Variants in PDZD2 observed in about 807,000 individuals in gnomAD.
The protein encoded by PDZD2 is PDZ domain-containing protein 2.
Under a neutral mutation model 220.7 loss-of-function variants are expected in PDZD2, and 90 were observed. The observed-to-expected ratio is 0.41, with a 90% CI of 0.34 to 0.49. PDZD2 has a LOEUF of 0.49. Among genes scored for constraint, PDZD2 ranks in the 20% least tolerant of loss-of-function variants. The pLI, the probability that PDZD2 is intolerant of heterozygous loss-of-function variation, is 0.28. For synonymous variants in PDZD2, 1,375 were observed against 1,450.5 expected (o/e 0.95, Z 1.18); for missense variants, 3,174 against 3,608.5 (o/e 0.88, Z 3.08).
intron 2 of PDZD2, among the ~76,000 whole-genome samples, chr5:31,872,091 T>C (rs1218274140): frequency 6.6e-6 from 1 of 152,056 alleles, no homozygotes; most frequent in Non-Finnish European, 1.5e-5. Context: ...AGTCACTTCA[T>C]ATCAGGGCAT....
In PDZD2 at chr5:32,075,259, C is replaced by T. The variant is rs16889400; in HGVS notation, c.3537+616C>T. 8.0e-3 allele frequency among the ~76,000 whole-genome samples: 1,215 copies of T among 152,308 alleles called. 19 individuals are homozygous for T. Among genetic ancestry groups the T allele is most frequent in the African/African-American group, 0.028 (1,148 of 41,562 alleles). ...AGGGAAAGTAAAACCATGGGCCTGGCATGAGCTCCACTGCTGACTAGTTGG... is the reference window on the plus strand; with the variant it reads ...AGGGAAAGTAAAACCATGGGCCTGGTATGAGCTCCACTGCTGACTAGTTGG... On this transcript the variant is annotated intron_variant, in intron 18 of 24. Transcript: ENST00000438447.
At position 31,658,623 on chromosome 5, in the gene PDZD2, C is replaced by CTTTT. The variant is rs746305849; in HGVS notation, c.-361+19197_-361+19200dup. ...ATTTGGTCTATGTGGGCTGTTTTCA[C>CTTTT]TTTTTTTTTTTTTTGAGACGGAGTC... On this transcript the variant is annotated intron_variant, in intron 1 of 24. Transcript: ENST00000438447. Among the ~76,000 whole-genome samples the CTTTT allele has an allele frequency of 7.5e-5, 11 of 146,996 alleles. 1 individual carries two copies. The highest frequency in any genetic ancestry group is 2.2e-4 in the South Asian group (1 of 4,594).
rs200189049 is a variant in PDZD2 at position 31,723,365 on chromosome 5, AT to A, written c.-360-75522del. On this transcript the variant is annotated intron_variant, in intron 1 of 24. Coordinates refer to ENST00000438447, the MANE Select transcript of PDZD2 (RefSeq NM_178140.4). ...TTTTGTTTTTTTTTTCTGGAATGAGATTGGACATGTCAAGTCACTTTTGTCC... is the reference window on the plus strand; with the variant it reads ...TTTTGTTTTTTTTTTCTGGAATGAGATGGACATGTCAAGTCACTTTTGTCC... Among the ~76,000 whole-genome samples the A allele has an allele frequency of 2.1e-3, 323 of 151,864 alleles. 6 individuals are homozygous for A. In the East Asian group the frequency reaches 0.045, roughly 21 times the overall value.
intron 2 of PDZD2, among the ~76,000 whole-genome samples, chr5:31,939,330 G>GT (rs1381957353): frequency 2.0e-5 from 3 of 152,178 alleles, no homozygotes; most frequent in Non-Finnish European, 4.4e-5. Context: ...CCTGATTTGC[G>GT]TAACTGCTGA....
At chr5:31,756,276 G>T (rs1751303072) in intron 1 of PDZD2, among the ~76,000 whole-genome samples, 1 of 152,200 alleles carries the variant, frequency 6.6e-6, no homozygotes. Context: ...GAAAACGTCA[G>T]ACTTTTCCTA....
intron 2 of PDZD2, chr5:31,822,488 T>G: frequency 2.1e-6 from 1 of 472,716 alleles, no homozygotes; most frequent in Non-Finnish European, 3.9e-6. Context: ...TATTGCATCA[T>G]TTAAATATCA....
At chr5:31,772,466 A>G (rs1752393557) in intron 1 of PDZD2, among the ~76,000 whole-genome samples, 1 of 152,176 alleles carries the variant, frequency 6.6e-6, no homozygotes, top group African/African-American at 2.4e-5. Context: ...TGCTCTCGCC[A>G]TTGCCCCATC....
chr5:32,073,865 G>A lies in PDZD2; in HGVS notation c.2759G>A (p.Ser920Asn). Residue 920 changes from serine to asparagine, a missense_variant, in exon 18 of 25, where the codon AGC becomes AAC. Physicochemically the swap from Ser to Asn is conservative, Grantham distance 46. This residue lies in a region of PDZD2 where 1,861 missense variants were observed against 2,001.0 expected (regional missense o/e 0.93). Transcript: ENST00000438447. ...GAGCCTGGAAAACCCAGAGCCAACA[G>A]CCTCGTGACTCTTGGGAGCCATCGG... ...HKEPGKPRAN[S>N]LVTLGSHRAS... 6.2e-7 allele frequency: 1 copy of A among 1,613,402 alleles called. No homozygotes were observed. The highest frequency in any genetic ancestry group is 8.5e-7 in the Non-Finnish European group (1 of 1,179,756).
intron 2 of PDZD2, among the ~76,000 whole-genome samples, chr5:31,944,575 G>T (rs1057245037): frequency 2.0e-5 from 3 of 152,228 alleles, no homozygotes; most frequent in African/African-American, 7.2e-5. Flanking sequence ...GATGTTCCAG[G>T]AGAGGAAATG....
At chr5:31,920,293 T>C (rs751206066) in intron 2 of PDZD2, among the ~76,000 whole-genome samples, 1 of 83,830 alleles carries the variant, frequency 1.2e-5, no homozygotes, top group Non-Finnish European at 3.6e-5. Context: ...CAAAAATAAA[T>C]AAAAATAAAT....
At position 31,995,734 on chromosome 5, in the gene PDZD2, T is replaced by A. The variant is rs1751574286; in HGVS notation, c.1121+16T>A. On this transcript the variant is annotated intron_variant, in intron 4 of 24. Transcript: ENST00000438447. ...CCGCTCACAGGTGACTAGATAACTC[T>A]CCCCTCTCCCCCATCCCTCTGCCTC... 6.2e-7 allele frequency: 1 copy of A among 1,609,532 alleles called. No individual in the cohort carries two copies. Among genetic ancestry groups the A allele is most frequent in the African/African-American group, 1.3e-5 (1 of 74,788 alleles).
intron 1 of PDZD2, among the ~76,000 whole-genome samples, chr5:31,650,877 G>T (rs558557554): frequency 6.6e-6 from 1 of 152,322 alleles, no homozygotes; most frequent in African/African-American, 2.4e-5. Flanking sequence ...TAGGGTGAGA[G>T]CATGGACTCC....
chr5:31,815,123 T>G (rs1457644595), intron 2 of PDZD2, among the ~76,000 whole-genome samples: 1 of 151,090 alleles, frequency 6.6e-6, no homozygotes, highest in Non-Finnish European at 1.5e-5. Context: ...CAGGCACCTA[T>G]AATCCCAGCT....
At position 31,840,425 on chromosome 5, in the gene PDZD2, TATATA is replaced by T. The variant is rs1561499111; in HGVS notation, c.476+40702_476+40706del. ...ATATATATATATATATATATATATA[TATATA>T]TATATATATATATATATATTTGTTT... is the stretch of plus-strand genomic sequence containing the variant. On this transcript the variant is annotated intron_variant, in intron 2 of 24. Coordinates refer to ENST00000438447, the MANE Select transcript of PDZD2 (RefSeq NM_178140.4). The T allele has an allele frequency of 1.1e-3, 140 of 122,424 alleles. 7 individuals are homozygous for T. The highest frequency in any genetic ancestry group is 4.1e-3 in the African/African-American group (129 of 31,138). The allele number at this position is 122,424 out of a possible 1,614,324, so 7.6% of individuals were successfully genotyped here.
chr5:31,738,349 TG>T (rs1410264811), intron 1 of PDZD2: 2 of 152,466 alleles, frequency 1.3e-5, no homozygotes, highest in Non-Finnish European at 2.9e-5. Flanking sequence ...GTGTGGGTGC[TG>T]GGTTTGTCGG....
intron 1 of PDZD2, among the ~76,000 whole-genome samples, chr5:31,650,737 A>T (rs1015936097): frequency 2.0e-5 from 3 of 152,190 alleles, no homozygotes; most frequent in African/African-American, 7.2e-5. Context: ...CCTTATATGC[A>T]AAGGTAGAAT....
At chr5:31,745,038 A>G (rs1469318088) in intron 1 of PDZD2, among the ~76,000 whole-genome samples, 2 of 152,064 alleles carry the variant, frequency 1.3e-5, no homozygotes, top group African/African-American at 2.4e-5. Context: ...GCGCCATTGC[A>G]CTCCAGCCTG....
chr5:31,904,711 G>GT (rs1742471401), intron 2 of PDZD2, among the ~76,000 whole-genome samples: 2 of 151,874 alleles, frequency 1.3e-5, no homozygotes, highest in Non-Finnish European at 2.9e-5. Flanking sequence ...TGTATTTTTA[G>GT]TAGGGATTAC....
chr5:31,834,655 G>GA lies in PDZD2; in HGVS notation c.476+34941dup, dbSNP rs1370261017. On this transcript the variant is annotated intron_variant, in intron 2 of 24. Transcript: ENST00000438447. ...TGGTAGATGACCTCAGCTTGTGGAG[G>GA]AAAAAAAAAATCAGTGATTAGGGAA... Among the ~76,000 whole-genome samples the GA allele has an allele frequency of 5.9e-3, 739 of 125,088 alleles. 7 individuals carry two copies. Among genetic ancestry groups the GA allele is most frequent in the African/African-American group, 0.021 (683 of 33,252 alleles). 82.1% of individuals were successfully genotyped at this position (125,088 alleles called of 152,430 possible).
Sources: gnomAD v4.1 joint callset for allele counts (sites outside exome capture counted in the v4.1 genomes callset) on GRCh38, gnomAD v4.1.1 for gene constraint, gnomAD v4.1.1 regional missense constraint, MANE v1.5 for transcripts, NCBI Gene and HGNC (gene_info 2026-07-23, HGNC 2026-07-21) for gene names.